The following ZNF395 variants were observed in gnomAD, a reference collection of about 807,000 sequenced individuals.
The protein encoded by ZNF395 is zinc finger protein 395, also known as HD gene regulatory region-binding protein 2.
Under a neutral mutation model 57.7 loss-of-function variants are expected in ZNF395, and 20 were observed. The ratio of observed to expected loss-of-function variants is 0.35; its 90% CI spans 0.24 to 0.50. The LOEUF is 0.50. Ranked by LOEUF, ZNF395 falls within the 20% of genes least tolerant of loss-of-function variation. The pLI is 0.97. For synonymous variants in ZNF395, 295 were observed against 275.9 expected (o/e 1.07, Z -0.69); for missense variants, 606 against 671.2 (o/e 0.90, Z 1.07).
Position 28,360,921 on chromosome 8 carries a change from C to G in ZNF395, c.204G>C (p.Ser68=), listed in dbSNP as rs145722939. ...GCTGAAAGGCCACCTGCTGAAGGCC[C>G]GAGGTGCTGGGAGCCTTAAGGACTT... ...PKEVLKAPST[S]GLQQVAFQPG... is the part of the protein sequence containing the mutation. Residue 68 remains serine, a synonymous_variant, in exon 2 of 10, where the codon TCG becomes TCC. Transcript: ENST00000344423. 9 of 1,613,826 alleles carry G rather than the reference C, an allele frequency of 5.6e-6. No individual in the cohort carries two copies. In the African/African-American group the frequency reaches 1.2e-4, roughly 22 times the overall value.
Position 28,359,460 on chromosome 8 carries a change from C to T in ZNF395, c.473+132G>A, listed in dbSNP as rs1250767709. ...CTTAAAAGATTCCCCTTTTCTGTGT[C>T]CCATTTGTCCCAATATCTTGGCACC... On this transcript the variant is annotated intron_variant, in intron 3 of 9. Coordinates refer to ENST00000344423, the MANE Select transcript of ZNF395 (RefSeq NM_018660.3). This position sits in a 1 kb window ranked among gnomAD's most constrained non-coding sequence, Gnocchi z 4.7. 3 of 1,273,100 alleles carry T rather than the reference C, an allele frequency of 2.4e-6. No individual in the cohort carries two copies. The highest frequency in any genetic ancestry group is 3.2e-6 in the Non-Finnish European group (3 of 940,846). 78.9% of individuals were successfully genotyped at this position (1,273,100 alleles called of 1,614,324 possible). A position where few individuals can be genotyped will look rare whatever the true frequency, so the allele number is the denominator to read the frequency against.
At chr8:28,367,867 C>A (rs1201014122) in intron 1 of ZNF395, among the ~76,000 whole-genome samples, 1 of 152,206 alleles carries the variant, frequency 6.6e-6, no homozygotes, top group Non-Finnish European at 1.5e-5. Flanking sequence ...GCTGCTGGCC[C>A]TAAAATGAAG....
At position 28,359,819 on chromosome 8, in the gene ZNF395, A is replaced by G; in HGVS notation, c.246T>C (p.Tyr82=). ...QVAFQPGQKV[Y]VWYGGQECTG... is the part of the protein sequence containing the mutation. ...TGCACTCTTGACCCCCGTACCACACATAAACCTGTGGGAAGAGGGACAGCA... is the reference window on the plus strand; with the variant it reads ...TGCACTCTTGACCCCCGTACCACACGTAAACCTGTGGGAAGAGGGACAGCA... Residue 82 remains tyrosine (Y), a synonymous_variant, in exon 3 of 10, where the codon TAT becomes TAC. Transcript: ENST00000344423. This position sits in a 1 kb window ranked among gnomAD's most constrained non-coding sequence, Gnocchi z 4.7. 1 of 1,613,198 alleles carries G rather than the reference A, an allele frequency of 6.2e-7. No homozygotes were observed. Among genetic ancestry groups the G allele is most frequent in the Middle Eastern group, 1.7e-4 (1 of 6,052 alleles).
At chr8:28,364,488 A>G (rs1172936380) in intron 1 of ZNF395, among the ~76,000 whole-genome samples, 1 of 152,070 alleles carries the variant, frequency 6.6e-6, no homozygotes, top group African/African-American at 2.4e-5. Context: ...CCCTATCTCT[A>G]CTAAAAATAT....
At chr8:28,381,578 T>TA (rs1802110395) in intron 1 of ZNF395, among the ~76,000 whole-genome samples, 1 of 152,136 alleles carries the variant, frequency 6.6e-6, no homozygotes, top group South Asian at 2.1e-4. Context: ...GACGAGCTCT[T>TA]AGTCTTGGGT....
At chr8:28,372,823 C>A (rs1468336883) in intron 1 of ZNF395, among the ~76,000 whole-genome samples, 1 of 152,138 alleles carries the variant, frequency 6.6e-6, no homozygotes, top group Non-Finnish European at 1.5e-5. Context: ...CTTATGAGGC[C>A]AGAGGACCAT....
chr8:28,360,360 G>T (rs370628023), intron 2 of ZNF395, among the ~76,000 whole-genome samples: 2 of 152,204 alleles, frequency 1.3e-5, no homozygotes, highest in African/African-American at 4.8e-5. Flanking sequence ...AGGAGGCCTT[G>T]AGAGGGCAAC....
At position 28,346,232 on chromosome 8, in the gene ZNF395, G is replaced by A. The variant is rs1466325182; in HGVS notation, c.*2487C>T. ...GTTAGTTTCTAAAAGCCCACCTACG[G>A]CACCTTCCTTCCATCAGAGTCTGCT... On this transcript the variant is annotated 3_prime_UTR_variant, in exon 10 of 10. Transcript: ENST00000344423. 6.6e-6 allele frequency: 1 copy of A among 152,146 alleles called. No homozygotes were observed. Among genetic ancestry groups the A allele is most frequent in the Non-Finnish European group, 1.5e-5 (1 of 68,016 alleles). 9.4% of individuals were successfully genotyped at this position (152,146 alleles called of 1,614,324 possible).
intron 2 of ZNF395, among the ~76,000 whole-genome samples, chr8:28,360,387 C>G (rs1436905465): frequency 6.6e-6 from 1 of 152,210 alleles, no homozygotes; most frequent in Non-Finnish European, 1.5e-5. Flanking sequence ...GAACCCCAGG[C>G]ACCTGGACCT....
chr8:28,364,591 T>C (rs1010667676), intron 1 of ZNF395, among the ~76,000 whole-genome samples: 2 of 150,646 alleles, frequency 1.3e-5, no homozygotes, highest in Admixed American at 1.3e-4. Context: ...GAGGCAGAGG[T>C]TGCAGTGAGC....
chr8:28,383,100 A>G (rs1314507612), intron 1 of ZNF395, among the ~76,000 whole-genome samples: 1 of 152,166 alleles, frequency 6.6e-6, no homozygotes, highest in African/African-American at 2.4e-5. Context: ...AATCAGACAC[A>G]CTCTATAAAG....
In ZNF395 at chr8:28,359,552, C is replaced by A; in HGVS notation, c.473+40G>T. On this transcript the variant is annotated intron_variant, in intron 3 of 9. Transcript: ENST00000344423. This position sits in a 1 kb window ranked among gnomAD's most constrained non-coding sequence, Gnocchi z 4.7. ...GCCCACACCCTTACACCACACTACC[C>A]ACGTGACTTTTAAAACCCAGTTTCT... 6.4e-7 allele frequency: 1 copy of A among 1,550,484 alleles called. No homozygotes were observed. Among genetic ancestry groups the A allele is most frequent in the South Asian group, 1.2e-5 (1 of 80,516 alleles).
chr8:28,355,993 G>C (rs1297914197), intron 4 of ZNF395, among the ~76,000 whole-genome samples: 1 of 152,180 alleles, frequency 6.6e-6, no homozygotes, highest in Admixed American at 6.5e-5. Context: ...CCTGGGAGTA[G>C]GGTAGGCCAG....
rs1801841398 is a variant in ZNF395, at chr8:28,360,960, C to T, written c.165G>A (p.Gln55=). Reference sequence around the variant, plus strand: ...CCTTAAGGACTTCCTTGGGCTGCTCCTGGCAGGGGGTGTCATCAGAGGTGG... The same window carrying T: ...CCTTAAGGACTTCCTTGGGCTGCTCTTGGCAGGGGGTGTCATCAGAGGTGG... ...PFTTSDDTPC[Q]EQPKEVLKAP... The change falls in exon 2 of 10, where the codon CAG becomes CAA. Residue 55 remains glutamine (Q), a synonymous_variant. Coordinates refer to ENST00000344423, the MANE Select transcript of ZNF395 (RefSeq NM_018660.3). 2 of 1,613,590 alleles carry T rather than the reference C, an allele frequency of 1.2e-6. No individual in the cohort carries two copies. The highest frequency in any genetic ancestry group is 8.5e-7 in the Non-Finnish European group (1 of 1,179,834).
intron 1 of ZNF395, among the ~76,000 whole-genome samples, chr8:28,372,200 A>AT (rs1328248206): frequency 4.0e-5 from 6 of 151,704 alleles, no homozygotes; most frequent in Non-Finnish European, 8.8e-5. Context: ...GAGGCAATGA[A>AT]TTTTTTTTTC....
chr8:28,372,735 T>A (rs959499942), intron 1 of ZNF395, among the ~76,000 whole-genome samples: 27 of 152,132 alleles, frequency 1.8e-4, no homozygotes, highest in African/African-American at 6.3e-4. Context: ...TGCAGTGAGT[T>A]GTAATTGTCC....
chr8:28,348,536 T>A lies in ZNF395; in HGVS notation c.*183A>T, dbSNP rs182034550. 3,211 of 602,086 alleles carry A rather than the reference T, an allele frequency of 5.3e-3. 17 individuals carry two copies. The highest frequency in any genetic ancestry group is 6.1e-3 in the Non-Finnish European group (2,093 of 340,728). The allele number at this position is 602,086 out of a possible 1,614,324, so 37.3% of individuals were successfully genotyped here. A position where few individuals can be genotyped will look rare whatever the true frequency, so the allele number is the denominator to read the frequency against. On this transcript the variant is annotated 3_prime_UTR_variant, in exon 10 of 10. Coordinates refer to ENST00000344423, the MANE Select transcript of ZNF395 (RefSeq NM_018660.3). ...GAAAAATATTTTTGTTTCTTTTTTT[T>A]AAAAAATAAAATGTTCGCACAATGG...
intron 1 of ZNF395, among the ~76,000 whole-genome samples, chr8:28,384,604 G>A (rs1050855543): frequency 2.0e-5 from 3 of 152,158 alleles, no homozygotes; most frequent in Non-Finnish European, 4.4e-5. Flanking sequence ...CTCTCCCCGA[G>A]ACAGGTATGA....
chr8:28,350,076 G>A lies in ZNF395; in HGVS notation c.1314C>T (p.Cys438=), dbSNP rs1203830917. The change falls in exon 8 of 10, where the codon TGC becomes TGT. Residue 438 remains cysteine (C), a synonymous_variant. Coordinates refer to ENST00000344423, the MANE Select transcript of ZNF395 (RefSeq NM_018660.3). ...VSWAAAPSAA[C]SLSPVRSRSL... ...CCCGCACACTCACCGGAGAGAGAGA[G>A]CAGGCGGCGGAGGGGGCAGCAGCCC... 1.2e-6 allele frequency: 2 copies of A among 1,602,692 alleles called. No individual in the cohort carries two copies. Among genetic ancestry groups the A allele is most frequent in the East Asian group, 2.3e-5 (1 of 44,388 alleles).
Sources: gnomAD v4.1 joint callset for allele counts (sites outside exome capture counted in the v4.1 genomes callset) on GRCh38, gnomAD v4.1.1 for gene constraint, Gnocchi (gnomAD v3.1) non-coding constraint, MANE v1.5 for transcripts, NCBI Gene and HGNC (gene_info 2026-07-23, HGNC 2026-07-21) for gene names.